The following ABCD4 variants were observed in gnomAD, a reference collection of about 807,000 sequenced individuals.
ABCD4 encodes the protein lysosomal cobalamin transporter ABCD4.
A neutral mutation model predicts 86.3 loss-of-function variants in ABCD4; 53 were observed. That is an observed-to-expected ratio of 0.61 (90% CI 0.49 to 0.77). The LOEUF is 0.77. ABCD4 is among the 30% of genes least tolerant of loss of function. The pLI, the probability that ABCD4 is intolerant of heterozygous loss-of-function variation, is 0.00. For synonymous variants in ABCD4, 328 were observed against 313.6 expected, an observed-to-expected ratio of 1.05 and a Z score of -0.49; for missense variants, 757 against 764.5, an observed-to-expected ratio of 0.99 and a Z score of 0.12.
intron 3 of ABCD4, chr14:74,299,079 G>A (rs7147109): frequency 0.051 from 7,989 of 156,784 alleles, 714 homozygotes; most frequent in African/African-American, 0.18. Flanking sequence ...GGATGACGAA[G>A]AGTGAGCAGG....
At chr14:74,289,876 C>T in intron 13 of ABCD4, 151 bp downstream of exon 13, 2 of 1,481,378 alleles carry the variant, frequency 1.4e-6, no homozygotes, top group Middle Eastern at 2.4e-4. Context: ...ATAGAAGGTT[C>T]TTAGAGCCAG....
At chr14:74,292,923 G>A (rs779072563) in intron 8 of ABCD4, 54 bp from the exon 9 acceptor site, 26 of 1,611,296 alleles carry the variant, frequency 1.6e-5, no homozygotes, top group South Asian at 5.5e-5. Flanking sequence ...GCCCTACAGC[G>A]GACACAACCC....
In ABCD4 at chr14:74,299,756, C is replaced by T. The variant is rs544701215; in HGVS notation, c.158-81G>A. ...GCTTCTTCCTGAGTCCCTGCCTCAT[C>T]AGCACCCCAAAGAGATGAAAAGGGG... On this transcript the variant is annotated intron_variant, in intron 2 of 18. Coordinates refer to ENST00000356924, the MANE Select transcript of ABCD4 (RefSeq NM_005050.4). The T allele has an allele frequency of 4.2e-6, 6 of 1,430,718 alleles. No homozygotes were observed. The Admixed American group carries it at 1.2e-4, about 28-fold the overall frequency. The allele number at this position is 1,430,718 out of a possible 1,614,324, so 88.6% of individuals were successfully genotyped here.
chr14:74,289,248 G>A (rs2080777839), intron 14 of ABCD4: 2 of 1,353,682 alleles, frequency 1.5e-6, no homozygotes, highest in South Asian at 2.0e-5. Flanking sequence ...GGTGGGTGAA[G>A]GAAGGCATCA....
At chr14:74,288,354 C>T in intron 15 of ABCD4, 95 bp from the exon 16 acceptor site, 1 of 1,250,390 alleles carries the variant, frequency 8.0e-7, no homozygotes, top group Non-Finnish European at 1.1e-6. Context: ...CATACACACA[C>T]ACCTCTAAGA....
Position 74,292,278 on chromosome 14 carries a change from G to T in ABCD4, c.1118+9C>A, listed in dbSNP as rs370581068. The T allele has an allele frequency of 1.2e-6, 2 of 1,613,560 alleles. No individual in the cohort carries two copies. Among genetic ancestry groups the T allele is most frequent in the South Asian group, 1.1e-5 (1 of 91,068 alleles). On this transcript the variant is annotated intron_variant, in intron 11 of 18. Transcript: ENST00000356924. The stretch of plus-strand genomic sequence containing the variant: ...GCCTCAACTACTGCTCTGCCAGCCC[G>T]CTACTCACGTGTCCAAGCCCCACTC...
chr14:74,292,426 T>G, intron 10 of ABCD4, 50 bp from the exon 11 acceptor site: 1 of 1,603,754 alleles, frequency 6.2e-7, no homozygotes, highest in South Asian at 1.1e-5. Flanking sequence ...CAGGTGAAGG[T>G]GAACTCCTTT....
chr14:74,289,466 A>T lies in ABCD4; in HGVS notation c.1456+17T>A, dbSNP rs2080849200. The T allele has an allele frequency of 3.7e-6, 6 of 1,613,668 alleles. No individual in the cohort carries two copies. In the Admixed American group the frequency reaches 6.7e-5, roughly 18 times the overall value. ...ATGACAGAAGGAGAGGACATGACCT[A>T]AGGAGGACCAGCTCACCTGAGTCGG... On this transcript the variant is annotated intron_variant, in intron 14 of 18. Coordinates refer to ENST00000356924, the MANE Select transcript of ABCD4 (RefSeq NM_005050.4).
At chr14:74,296,289 G>T (rs767371575) in intron 5 of ABCD4, 44 bp downstream of exon 5, 1 of 1,573,504 alleles carries the variant, frequency 6.4e-7, no homozygotes, top group Non-Finnish European at 8.7e-7. Flanking sequence ...GCTGACTGAG[G>T]GCCCTCTGGG....
At chr14:74,293,482 G>A in intron 7 of ABCD4, 1 of 421,872 alleles carries the variant, frequency 2.4e-6, no homozygotes, top group East Asian at 3.7e-5. Context: ...TCCTGGCTCT[G>A]GCCAGTTACT....
rs972901067 is a variant in ABCD4 at position 74,291,038 on chromosome 14, T to C, written c.1119-539A>G. Among the ~76,000 whole-genome samples the C allele has an allele frequency of 2.0e-5, 3 of 152,214 alleles. No homozygotes were observed. The East Asian group carries it at 5.8e-4, about 29-fold the overall frequency. Reference sequence around the variant, plus strand: ...GTTGGGGTGGGACCCTAATCCAATATGACTGGTGTCCTCTTAAGATAGAGG... The same window carrying C: ...GTTGGGGTGGGACCCTAATCCAATACGACTGGTGTCCTCTTAAGATAGAGG... On this transcript the variant is annotated intron_variant, in intron 11 of 18. Coordinates refer to ENST00000356924, the MANE Select transcript of ABCD4 (RefSeq NM_005050.4).
chr14:74,293,833 T>C (rs990874048), intron 7 of ABCD4: 18 of 152,190 alleles, frequency 1.2e-4, no homozygotes, highest in African/African-American at 4.3e-4. Context: ...CTCAGGGCCA[T>C]GGCAGCAGAT....
At chr14:74,293,321 T>A (rs2082049715) in intron 7 of ABCD4, 73 bp from the exon 8 acceptor site, 4 of 1,381,012 alleles carry the variant, frequency 2.9e-6, no homozygotes, top group Non-Finnish European at 4.1e-6. Context: ...CTGTCCCATA[T>A]CACACCCTCC....
intron 13 of ABCD4, 59 bp from the exon 14 acceptor site, chr14:74,289,578 A>G: frequency 6.3e-7 from 1 of 1,599,306 alleles, no homozygotes; most frequent in South Asian, 1.1e-5. Context: ...GGAGCTGCAC[A>G]CAGCCCACCC....
At chr14:74,287,777 C>A (rs762589621) in intron 17 of ABCD4, 33 bp downstream of exon 17, 2 of 1,585,812 alleles carry the variant, frequency 1.3e-6, no homozygotes, top group Non-Finnish European at 1.7e-6. Context: ...GCAGACAGCG[C>A]ATGGCATGTG....
Position 74,302,738 on chromosome 14 carries a change from GCTC to G in ABCD4, c.38+134_38+136del, listed in dbSNP as rs1272188913. 20 of 1,050,082 alleles carry G rather than the reference GCTC, an allele frequency of 1.9e-5. No individual in the cohort carries two copies. The East Asian group carries it at 5.7e-4, about 30-fold the overall frequency. The allele number at this position is 1,050,082 out of a possible 1,614,324, so 65.0% of individuals were successfully genotyped here. On this transcript the variant is annotated intron_variant, in intron 1 of 18. Transcript: ENST00000356924. ...CGGGAGGGCGGACGCCCCTTCGAGA[GCTC>G]CTCTTTCTCTCAGAAGTCACGGGGG...
Position 74,287,837 on chromosome 14 carries a change from G to T in ABCD4, c.1609C>A (p.Leu537Ile), listed in dbSNP as rs780846855. The T allele has an allele frequency of 5.6e-6, 9 of 1,613,050 alleles. No individual in the cohort carries two copies. Among genetic ancestry groups the T allele is most frequent in the African/African-American group, 1.3e-5 (1 of 74,916 alleles). Residue 537 changes from leucine to isoleucine, a missense_variant, in exon 17 of 19, where the codon CTC becomes ATC. Leu to Ile is a conservative substitution (Grantham distance 5, BLOSUM62 2). Coordinates refer to ENST00000356924, the MANE Select transcript of ABCD4 (RefSeq NM_005050.4). ...GCGTACTTCGGCTGCAGGTAGAAGA[G>T]TCGGGCAAAGGAGAGCCGTTGCATC... ...GEMQRLSFAR[L>I]FYLQPKYAVL...
rs1017202010 is a variant in ABCD4, at chr14:74,285,490, C to G, written c.*971G>C. ...TAAGTGTAAAATTTCACTTAAAAAT[C>G]CATTTAAACTTAAAAGGTTTGTTTT... On this transcript the variant is annotated 3_prime_UTR_variant, in exon 19 of 19. Coordinates refer to ENST00000356924, the MANE Select transcript of ABCD4 (RefSeq NM_005050.4). 3 of 152,052 alleles carry G rather than the reference C, an allele frequency of 2.0e-5. No individual in the cohort carries two copies. The highest frequency in any genetic ancestry group is 7.2e-5 in the African/African-American group (3 of 41,404). 9.4% of individuals were successfully genotyped at this position (152,052 alleles called of 1,614,324 possible).
In ABCD4 at chr14:74,286,510, T is replaced by C. The variant is rs1203870089; in HGVS notation, c.1772A>G (p.Lys591Arg). Residue 591 changes from lysine (K) to arginine (R), a missense_variant, in exon 19 of 19, where the codon AAA becomes AGA. Coordinates refer to ENST00000356924, the MANE Select transcript of ABCD4 (RefSeq NM_005050.4). The part of the protein sequence containing the change: ...SLEKFHSLVL[K>R]LCGGGRWELM... ...CTCCCATCTTCCTCCTCCACAGAGTTTCAGAACCAAGGAATGAAACTACAA... is the reference window on the plus strand; with the variant it reads ...CTCCCATCTTCCTCCTCCACAGAGTCTCAGAACCAAGGAATGAAACTACAA... The C allele has an allele frequency of 6.2e-7, 1 of 1,614,082 alleles. No homozygotes were observed. Among genetic ancestry groups the C allele is most frequent in the Non-Finnish European group, 8.5e-7 (1 of 1,180,042 alleles).
Sources: allele counts gnomAD v4.1 joint callset (sites outside exome capture counted in the v4.1 genomes callset), GRCh38; gene constraint gnomAD v4.1.1; transcripts MANE v1.5; gene names NCBI Gene and HGNC (gene_info 2026-07-23, HGNC 2026-07-21).